Variants in TMCC1 observed in about 807,000 individuals in gnomAD.
TMCC1 encodes transmembrane and coiled-coil domains protein 1.
In TMCC1, 15 loss-of-function variants were observed where a neutral mutation model predicts 52.4. The ratio of observed to expected loss-of-function variants is 0.29; its 90% CI spans 0.19 to 0.44. TMCC1 has a LOEUF of 0.44. TMCC1 is among the 20% of genes least tolerant of loss of function. The probability of loss-of-function intolerance (pLI) is 1.00; values close to 1 mark genes in which losing one functional copy is unlikely to be tolerated. For missense variants in TMCC1, 503 were observed against 806.0 expected (o/e 0.62, Z 4.55); for synonymous variants, 279 against 301.9 (o/e 0.92, Z 0.79).
intron 4 of TMCC1, among the ~76,000 whole-genome samples, chr3:129,694,948 GACTA>G (rs944390167): frequency 1.3e-4 from 20 of 151,848 alleles, no homozygotes; most frequent in African/African-American, 4.8e-4. Flanking sequence ...CTGGTAACAA[GACTA>G]ACTATTTTGT....
chr3:129,747,531 G>A (rs542001212), intron 4 of TMCC1, among the ~76,000 whole-genome samples: 4 of 152,164 alleles, frequency 2.6e-5, no homozygotes, highest in Non-Finnish European at 4.4e-5. Context: ...AAGGTTTATT[G>A]TAGTTTTCTT....
intron 4 of TMCC1, among the ~76,000 whole-genome samples, chr3:129,825,113 A>G (rs546141077): frequency 6.6e-6 from 1 of 152,112 alleles, no homozygotes; most frequent in South Asian, 2.1e-4. Context: ...CCACCTACCA[A>G]TCCTCACCTA....
intron 4 of TMCC1, among the ~76,000 whole-genome samples, chr3:129,735,901 C>T (rs150147345): frequency 2.0e-5 from 3 of 152,084 alleles, no homozygotes; most frequent in Admixed American, 6.5e-5. Context: ...TTCAAAGCTG[C>T]GAACATGGTA....
intron 4 of TMCC1, among the ~76,000 whole-genome samples, chr3:129,800,484 CTT>C (rs954307643): frequency 6.6e-6 from 1 of 151,582 alleles, no homozygotes; most frequent in African/African-American, 2.4e-5. Flanking sequence ...CTTGCCAACT[CTT>C]GATTTTTTTT....
In TMCC1 at chr3:129,697,802, G is replaced by C. The variant is rs2047522352; in HGVS notation, c.577-26538C>G. 2.6e-5 allele frequency among the ~76,000 whole-genome samples: 4 copies of C among 152,294 alleles called. No homozygotes were observed. The South Asian group carries it at 6.2e-4, about 24-fold the overall frequency. ...CTAACACATAACAAGAGTCACCTTT[G>C]CTCTCGTTGTCAACAAGTTCCTCAT... On this transcript the variant is annotated intron_variant, in intron 4 of 6. Transcript: ENST00000393238.
At chr3:129,702,312 T>A (rs2047898586) in intron 4 of TMCC1, among the ~76,000 whole-genome samples, 1 of 151,890 alleles carries the variant, frequency 6.6e-6, no homozygotes, top group Non-Finnish European at 1.5e-5. Context: ...ATAATAGGTT[T>A]ATGAGAAAGA....
At chr3:129,840,450 T>G (rs1374221677) in intron 2 of TMCC1, among the ~76,000 whole-genome samples, 1 of 150,504 alleles carries the variant, frequency 6.6e-6, no homozygotes, top group African/African-American at 2.5e-5. Flanking sequence ...CACTAATTAA[T>G]CAAAAGAAAG....
chr3:129,722,278 C>T (rs2049676859), intron 4 of TMCC1, among the ~76,000 whole-genome samples: 1 of 152,110 alleles, frequency 6.6e-6, no homozygotes, highest in Non-Finnish European at 1.5e-5. Context: ...GGAGCACAAA[C>T]CCTATTATGA....
chr3:129,747,506 CCTAT>C (rs2052084900), intron 4 of TMCC1, among the ~76,000 whole-genome samples: 1 of 152,068 alleles, frequency 6.6e-6, no homozygotes, highest in Admixed American at 6.6e-5. Flanking sequence ...CCACAATATT[CCTAT>C]CTAATACCAC....
chr3:129,804,962 T>C lies in TMCC1; in HGVS notation c.576+22841A>G, dbSNP rs568872289. Among the ~76,000 whole-genome samples the C allele has an allele frequency of 2.4e-4, 37 of 152,328 alleles. No homozygotes were observed. The South Asian group carries it at 3.3e-3, about 14-fold the overall frequency. ...ACTAAGCTGTTATGGTACTTCATTA[T>C]GGTGCATCATATAAAATCACCACTT... is the stretch of plus-strand genomic sequence containing the variant. On this transcript the variant is annotated intron_variant, in intron 4 of 6. Coordinates refer to ENST00000393238, the MANE Select transcript of TMCC1 (RefSeq NM_001017395.5).
At chr3:129,869,226 A>C (rs1308814446) in intron 2 of TMCC1, 1 of 152,116 alleles carries the variant, frequency 6.6e-6, no homozygotes, top group Non-Finnish European at 1.5e-5. Flanking sequence ...GGGTTTGGAA[A>C]GATTCCCAGG....
At chr3:129,674,122 C>T (rs889806559) in intron 4 of TMCC1, among the ~76,000 whole-genome samples, 6 of 152,196 alleles carry the variant, frequency 3.9e-5, no homozygotes, top group African/African-American at 7.2e-5. Flanking sequence ...GCACACTCAG[C>T]GATGTTTGCA....
chr3:129,729,726 T>C (rs1055652343), intron 4 of TMCC1, among the ~76,000 whole-genome samples: 27 of 152,308 alleles, frequency 1.8e-4, no homozygotes, highest in African/African-American at 6.5e-4. Flanking sequence ...TTACTGAACA[T>C]CATGGCTTAG....
chr3:129,841,483 C>T (rs925858148), intron 2 of TMCC1, among the ~76,000 whole-genome samples: 1 of 152,072 alleles, frequency 6.6e-6, no homozygotes, highest in South Asian at 2.1e-4. Flanking sequence ...GCTTGGGAGG[C>T]TGAGGCAGGA....
At chr3:129,821,630 A>C (rs547775341) in intron 4 of TMCC1, among the ~76,000 whole-genome samples, 9 of 152,260 alleles carry the variant, frequency 5.9e-5, no homozygotes, top group South Asian at 4.2e-4. Context: ...CATCGTCATC[A>C]CTCTTTCTTA....
intron 4 of TMCC1, among the ~76,000 whole-genome samples, chr3:129,746,771 G>A (rs1415407026): frequency 2.0e-5 from 3 of 152,108 alleles, no homozygotes; most frequent in Non-Finnish European, 2.9e-5. Context: ...TACAAGGTTG[G>A]GGTAAGAGTC....
At chr3:129,794,022 AC>A (rs1181495257) in intron 4 of TMCC1, among the ~76,000 whole-genome samples, 1 of 152,250 alleles carries the variant, frequency 6.6e-6, no homozygotes, top group South Asian at 2.1e-4. Context: ...TACACTTTCA[AC>A]CCACAATTAT....
At chr3:129,703,327 A>G (rs2047981335) in intron 4 of TMCC1, among the ~76,000 whole-genome samples, 1 of 152,224 alleles carries the variant, frequency 6.6e-6, no homozygotes, top group East Asian at 1.9e-4. Flanking sequence ...AAAATGTGTT[A>G]ACAAAAAGCA....
intron 1 of TMCC1, 55 bp downstream of exon 1, chr3:129,893,439 G>A (rs1240116506): frequency 2.6e-5 from 4 of 152,016 alleles, no homozygotes; most frequent in East Asian, 1.9e-4. Flanking sequence ...CACCGCGGAG[G>A]GCCGTGAGGG....
Sources: gnomAD v4.1 joint callset for allele counts (sites outside exome capture counted in the v4.1 genomes callset) on GRCh38, gnomAD v4.1.1 for gene constraint, MANE v1.5 for transcripts, NCBI Gene and HGNC (gene_info 2026-07-23, HGNC 2026-07-21) for gene names.